TAF15: variants seen among roughly 807,000 people sequenced by gnomAD.
The protein encoded by TAF15 is TATA-box binding protein associated factor 15.
A neutral mutation model predicts 102.5 loss-of-function variants in TAF15; 37 were observed. The observed-to-expected ratio is 0.36, with a 90% CI of 0.28 to 0.47. The LOEUF is 0.47. Ranked by LOEUF, TAF15 falls within the 20% of genes least tolerant of loss-of-function variation. The probability of loss-of-function intolerance (pLI) is 0.99; values close to 1 mark genes in which losing one functional copy is unlikely to be tolerated. For missense variants in TAF15, 652 were observed against 760.7 expected (o/e 0.86, Z 1.68); for synonymous variants, 273 against 259.2 (o/e 1.05, Z -0.51).
chr17:35,817,764 T>G lies in TAF15; in HGVS notation c.47+9T>G. The G allele has an allele frequency of 6.2e-7, 1 of 1,612,504 alleles. No individual in the cohort carries two copies. Among genetic ancestry groups the G allele is most frequent in the Non-Finnish European group, 8.5e-7 (1 of 1,178,534 alleles). ...GGGGGTGAGCAGCAAAGGTAAAGTA[T>G]ACATACATTTTAATAATATGAAAGG... On this transcript the variant is annotated intron_variant, in intron 2 of 15. Coordinates refer to ENST00000605844, the MANE Select transcript of TAF15 (RefSeq NM_139215.3).
At chr17:35,824,490 A>G (rs1310909794) in intron 7 of TAF15, among the ~76,000 whole-genome samples, 1 of 152,214 alleles carries the variant, frequency 6.6e-6, no homozygotes. Flanking sequence ...TGCCAGAGCT[A>G]GAATCTTAAC....
intron 9 of TAF15, 150 bp downstream of exon 9, chr17:35,834,748 T>C: frequency 2.9e-6 from 2 of 685,552 alleles, no homozygotes; most frequent in South Asian, 2.0e-5. Flanking sequence ...TTCTTTTTTT[T>C]TTTTTTTTTT....
At chr17:35,815,305 A>G (rs997466091) in intron 1 of TAF15, among the ~76,000 whole-genome samples, 4 of 152,250 alleles carry the variant, frequency 2.6e-5, no homozygotes, top group African/African-American at 7.2e-5. Flanking sequence ...AATAATCACA[A>G]TGAACAGTTG....
intron 7 of TAF15, among the ~76,000 whole-genome samples, chr17:35,826,083 A>G (rs957674048): frequency 6.6e-6 from 1 of 152,212 alleles, no homozygotes; most frequent in African/African-American, 2.4e-5. Flanking sequence ...CTGGGGTCCA[A>G]TTAAGTACTT....
At chr17:35,814,743 C>G (rs2087172988) in intron 1 of TAF15, among the ~76,000 whole-genome samples, 1 of 151,776 alleles carries the variant, frequency 6.6e-6, no homozygotes, top group South Asian at 2.1e-4. Flanking sequence ...ATCCCAGCCA[C>G]TCAGGAGGCG....
intron 1 of TAF15, among the ~76,000 whole-genome samples, chr17:35,814,362 A>G (rs1387687303): frequency 6.6e-6 from 1 of 151,638 alleles, no homozygotes; most frequent in East Asian, 1.9e-4. Flanking sequence ...TAGAGACGGG[A>G]TTTCACCATG....
chr17:35,834,545 T>G lies in TAF15; in HGVS notation c.641-21T>G, dbSNP rs779579177. On this transcript the variant is annotated intron_variant, in intron 8 of 15. Transcript: ENST00000605844. ...AAATAAATTGCCTTAAATAGCTCTT[T>G]TTTCTTTTCTTTTCCCTTAGGTCAC... The G allele has an allele frequency of 3.7e-6, 6 of 1,612,230 alleles. No individual in the cohort carries two copies. The Admixed American group carries it at 1.0e-4, about 27-fold the overall frequency.
At chr17:35,843,636 A>G (rs558521037) in intron 12 of TAF15, among the ~76,000 whole-genome samples, 3 of 152,294 alleles carry the variant, frequency 2.0e-5, no homozygotes, top group South Asian at 2.1e-4. Flanking sequence ...CTGGAATCCA[A>G]AACTTTGAGC....
At chr17:35,831,243 A>T (rs966629520) in intron 7 of TAF15, among the ~76,000 whole-genome samples, 5 of 152,090 alleles carry the variant, frequency 3.3e-5, no homozygotes, top group African/African-American at 1.2e-4. Context: ...TCTACTAAAA[A>T]TACAAAAACA....
intron 1 of TAF15, among the ~76,000 whole-genome samples, chr17:35,813,904 T>C (rs1481432823): frequency 6.6e-6 from 1 of 152,134 alleles, no homozygotes; most frequent in Non-Finnish European, 1.5e-5. Context: ...TAATTAAATA[T>C]TTGAAGAAGC....
intron 11 of TAF15, among the ~76,000 whole-genome samples, chr17:35,840,222 C>T (rs1262847744): frequency 6.6e-6 from 1 of 150,732 alleles, no homozygotes; most frequent in East Asian, 1.9e-4. Flanking sequence ...CCTCCATCTT[C>T]CAAAAACATA....
At position 35,844,935 on chromosome 17, in the gene TAF15, A is replaced by AGTGGAGGCTATGGAGGAGACAGGAGTG. The variant is rs777765892; in HGVS notation, c.1641_1667dup (p.Ser554_Arg562dup). The AGTGGAGGCTATGGAGGAGACAGGAGTG allele has an allele frequency of 6.2e-7, 1 of 1,608,106 alleles. No individual in the cohort carries two copies. The highest frequency in any genetic ancestry group is 2.2e-5 in the East Asian group (1 of 44,516). On this transcript the variant is annotated inframe_insertion, in exon 15 of 16. Coordinates refer to ENST00000605844, the MANE Select transcript of TAF15 (RefSeq NM_139215.3). ...TGGCAGTGGCTACGGTGGAGACCGAAGTGGAGGCTATGGAGGAGACAGGAG... is the reference window on the plus strand; with the variant it reads ...TGGCAGTGGCTACGGTGGAGACCGAAGTGGAGGCTATGGAGGAGACAGGAGTGGTGGAGGCTATGGAGGAGACAGGAG...
At position 35,844,107 on chromosome 17, in the gene TAF15, T is replaced by C; in HGVS notation, c.1037T>C (p.Phe346Ser). ...GGAGGATATAGAGGTCGTGGAGGCT[T>C]TCAAGGGAGAGGTGGAGACCCCAAA... The part of the protein sequence containing the change: ...GRGGYRGRGG[F>S]QGRGGDPKSG... The change falls in exon 13 of 16, where the codon TTT (phenylalanine) becomes TCT (serine). Residue 346 changes from phenylalanine to serine, a missense_variant. Around this residue, in one of 3 missense-constraint regions of TAF15, gnomAD observed 368 missense variants for 367.5 expected, o/e 1.00. Transcript: ENST00000605844. 6.2e-7 allele frequency: 1 copy of C among 1,614,050 alleles called. No individual in the cohort carries two copies. The highest frequency in any genetic ancestry group is 8.5e-7 in the Non-Finnish European group (1 of 1,180,004).
chr17:35,843,967 A>C, intron 12 of TAF15, 110 bp from the exon 13 acceptor site: 1 of 962,654 alleles, frequency 1.0e-6, no homozygotes, highest in African/African-American at 1.6e-5. Flanking sequence ...GTTAATTTGC[A>C]GAGTGCTGCC....
At chr17:35,838,924 T>A (rs2087507983) in intron 11 of TAF15, among the ~76,000 whole-genome samples, 1 of 152,170 alleles carries the variant, frequency 6.6e-6, no homozygotes, top group Non-Finnish European at 1.5e-5. Flanking sequence ...ATCACTTGAA[T>A]AATGTACATT....
chr17:35,827,221 A>G (rs1435257306), intron 7 of TAF15, among the ~76,000 whole-genome samples: 2 of 151,908 alleles, frequency 1.3e-5, no homozygotes, highest in African/African-American at 2.4e-5. Flanking sequence ...CTGTAGTCCC[A>G]GCTACCCTGG....
At chr17:35,839,603 C>T (rs370925462) in intron 11 of TAF15, among the ~76,000 whole-genome samples, 7 of 151,996 alleles carry the variant, frequency 4.6e-5, no homozygotes, top group East Asian at 1.9e-4. Flanking sequence ...AGGATGGTCT[C>T]GATCTCCTGA....
At chr17:35,820,475 G>A (rs552840886) in intron 5 of TAF15, 38 bp downstream of exon 5, 50 of 1,577,642 alleles carry the variant, frequency 3.2e-5, no homozygotes, top group Non-Finnish European at 4.1e-5. Context: ...GTTTTGGGCA[G>A]TGGAAATAAC....
intron 11 of TAF15, among the ~76,000 whole-genome samples, chr17:35,841,348 T>C (rs2087540745): frequency 6.6e-6 from 1 of 152,208 alleles, no homozygotes; most frequent in African/African-American, 2.4e-5. Flanking sequence ...ACGTATTCAT[T>C]CCCTTAAATA....
Sources: allele counts gnomAD v4.1 joint callset (sites outside exome capture counted in the v4.1 genomes callset), GRCh38; gene constraint gnomAD v4.1.1; regional missense constraint gnomAD v4.1.1; transcripts MANE v1.5; gene names NCBI Gene and HGNC (gene_info 2026-07-23, HGNC 2026-07-21).